Variants in TENM3 observed in about 807,000 individuals in gnomAD.
TENM3 encodes teneurin-3.
A neutral mutation model predicts 255.1 loss-of-function variants in TENM3; 63 were observed. The ratio of observed to expected loss-of-function variants is 0.25; its 90% CI spans 0.20 to 0.30. The LOEUF (loss-of-function observed/expected upper bound fraction) is 0.30. Ranked by LOEUF, TENM3 falls within the 10% of genes least tolerant of loss-of-function variation. The pLI, the probability that TENM3 is intolerant of heterozygous loss-of-function variation, is 1.00. For synonymous variants in TENM3, 1,306 were observed against 1,322.3 expected, an observed-to-expected ratio of 0.99 and a Z score of 0.27; for missense variants, 2,929 against 3,461.1, an observed-to-expected ratio of 0.85 and a Z score of 3.86.
chr4:181,824,350 C>T, the TENM3 span, among the ~76,000 whole-genome samples: 150 of 152,060 alleles, frequency 9.9e-4, 1 homozygote, highest in African/African-American at 3.5e-3. Context: ...ATCCACCTGC[C>T]TCGGCCTCCC....
chr4:182,219,318 T>A (rs1755709814), intron 1 of TENM3, among the ~76,000 whole-genome samples: 1 of 152,130 alleles, frequency 6.6e-6, no homozygotes, highest in African/African-American at 2.4e-5. Context: ...TTTCTCCTAG[T>A]TTGAAGGTTG....
the TENM3 span, among the ~76,000 whole-genome samples, chr4:182,055,701 G>T: frequency 6.6e-6 from 1 of 152,104 alleles, no homozygotes; most frequent in Non-Finnish European, 1.5e-5. Flanking sequence ...ATTAAAAAGT[G>T]ATCAACCATT....
intron 1 of TENM3, among the ~76,000 whole-genome samples, chr4:182,194,563 G>GA (rs1309350364): frequency 6.6e-6 from 1 of 152,184 alleles, no homozygotes; most frequent in African/African-American, 2.4e-5. Flanking sequence ...CAAGCCTGCT[G>GA]AAAAACATGA....
At chr4:182,756,926 T>C (rs1029779386) in intron 22 of TENM3, among the ~76,000 whole-genome samples, 3 of 152,150 alleles carry the variant, frequency 2.0e-5, no homozygotes, top group African/African-American at 7.2e-5. Context: ...GTTTTCAAAG[T>C]GATCGCAGGC....
chr4:182,535,532 G>C (rs1245295837), intron 3 of TENM3, among the ~76,000 whole-genome samples: 1 of 151,842 alleles, frequency 6.6e-6, no homozygotes, highest in Non-Finnish European at 1.5e-5. Flanking sequence ...CCCAGGAGTT[G>C]AAGACCATCC....
intron 24 of TENM3, among the ~76,000 whole-genome samples, chr4:182,783,870 C>G (rs1174959526): frequency 6.6e-6 from 1 of 151,924 alleles, no homozygotes; most frequent in African/African-American, 2.4e-5. Context: ...CTTCTGCATT[C>G]TTCACGTAGT....
At chr4:181,545,180 G>T in the TENM3 span, among the ~76,000 whole-genome samples, 1 of 152,188 alleles carries the variant, frequency 6.6e-6, no homozygotes, top group African/African-American at 2.4e-5. Flanking sequence ...AGTCAAGAGA[G>T]ATTTATTTTG....
chr4:182,335,825 A>G (rs1764101947), intron 2 of TENM3, among the ~76,000 whole-genome samples: 1 of 152,226 alleles, frequency 6.6e-6, no homozygotes, highest in Non-Finnish European at 1.5e-5. Context: ...AATGACTGTT[A>G]CAGTTTGAAA....
chr4:182,061,520 G>T, the TENM3 span, among the ~76,000 whole-genome samples: 3 of 151,996 alleles, frequency 2.0e-5, no homozygotes, highest in Non-Finnish European at 4.4e-5. Flanking sequence ...CATGATGAGG[G>T]TCTTAATATT....
At chr4:181,591,668 G>A in the TENM3 span, among the ~76,000 whole-genome samples, 50,909 of 151,912 alleles carry the variant, frequency 0.34, 9,843 homozygotes, top group Non-Finnish European at 0.42. Context: ...TTTCAGCCGG[G>A]GCATTACATT....
the TENM3 span, among the ~76,000 whole-genome samples, chr4:181,621,736 A>C: frequency 6.6e-6 from 1 of 152,216 alleles, no homozygotes; most frequent in Non-Finnish European, 1.5e-5. Flanking sequence ...TCGTGGAGTC[A>C]AGAAGGGAAA....
the TENM3 span, among the ~76,000 whole-genome samples, chr4:181,699,962 C>A: frequency 5.9e-5 from 9 of 152,068 alleles, no homozygotes; most frequent in African/African-American, 2.2e-4. Flanking sequence ...TGAGGTAGGC[C>A]TATTTTTTTG....
At chr4:181,636,226 G>C in the TENM3 span, among the ~76,000 whole-genome samples, 732 of 152,040 alleles carry the variant, frequency 4.8e-3, 1 homozygote, top group Non-Finnish European at 8.4e-3. Flanking sequence ...TGTATTTTTA[G>C]TAGAGACAGG....
the TENM3 span, among the ~76,000 whole-genome samples, chr4:181,655,225 T>C: frequency 6.2e-3 from 951 of 152,242 alleles, 3 homozygotes; most frequent in Middle Eastern, 0.027. Context: ...AATAACATGG[T>C]GTCCAAGGAG....
At chr4:181,512,194 C>A in the TENM3 span, among the ~76,000 whole-genome samples, 1 of 152,136 alleles carries the variant, frequency 6.6e-6, no homozygotes, top group Non-Finnish European at 1.5e-5. Flanking sequence ...AGGCTGTGGT[C>A]CCCAGTCTAC....
chr4:181,976,578 T>C, the TENM3 span: 6 of 152,222 alleles, frequency 3.9e-5, no homozygotes, highest in African/African-American at 1.4e-4. Flanking sequence ...ACTGAACAAC[T>C]GAAAGGATGG....
chr4:182,227,621 G>A (rs1462180770), intron 1 of TENM3, among the ~76,000 whole-genome samples: 1 of 149,210 alleles, frequency 6.7e-6, no homozygotes, highest in East Asian at 2.0e-4. Context: ...TTTTTTCTTC[G>A]TGTAGATGTG....
the TENM3 span, among the ~76,000 whole-genome samples, chr4:181,495,902 T>TAAAAAAAA: frequency 2.5e-4 from 29 of 116,826 alleles, no homozygotes; most frequent in Non-Finnish European, 3.1e-4. Context: ...AGAGACAAAT[T>TAAAAAAAA]AAAAAAAAAA....
the TENM3 span, among the ~76,000 whole-genome samples, chr4:181,937,785 A>T: frequency 6.6e-6 from 1 of 152,230 alleles, no homozygotes; most frequent in African/African-American, 2.4e-5. Flanking sequence ...TGTGACTTTC[A>T]GTCTTGAACC....
Sources: allele counts gnomAD v4.1 joint callset (sites outside exome capture counted in the v4.1 genomes callset), GRCh38; gene constraint gnomAD v4.1.1; transcripts MANE v1.5; gene names NCBI Gene and HGNC (gene_info 2026-07-23, HGNC 2026-07-21).